SLC7A14: variants seen among roughly 807,000 people sequenced by gnomAD.
SLC7A14 encodes the protein gamma-aminobutyric acid transporter SLC7A14.
SLC7A14 carries 37 observed loss-of-function variants against 60.2 expected under a neutral mutation model. The ratio of observed to expected loss-of-function variants is 0.61; its 90% CI spans 0.47 to 0.81. SLC7A14 has a LOEUF of 0.81. Among genes scored for constraint, SLC7A14 ranks in the 30% least tolerant of loss-of-function variants. The probability of loss-of-function intolerance (pLI) is 0.00; values close to 1 mark genes in which losing one functional copy is unlikely to be tolerated. For missense variants in SLC7A14, 886 were observed against 982.7 expected, an observed-to-expected ratio of 0.90 and a Z score of 1.32; for synonymous variants, 399 against 395.8, an observed-to-expected ratio of 1.01 and a Z score of -0.10.
chr3:170,525,638 T>C (rs913183203), intron 2 of SLC7A14, among the ~76,000 whole-genome samples: 1 of 152,218 alleles, frequency 6.6e-6, no homozygotes, highest in African/African-American at 2.4e-5. Flanking sequence ...ATCCTTCCAC[T>C]GTCCCTCAAG....
At chr3:170,517,830 A>G (rs1713215755) in intron 2 of SLC7A14, among the ~76,000 whole-genome samples, 1 of 152,234 alleles carries the variant, frequency 6.6e-6, no homozygotes, top group South Asian at 2.1e-4. Flanking sequence ...GGATGGCAGG[A>G]AACACAAATT....
intron 1 of SLC7A14, among the ~76,000 whole-genome samples, chr3:170,569,926 G>C (rs141827619): frequency 2.0e-5 from 3 of 151,808 alleles, no homozygotes; most frequent in Non-Finnish European, 4.4e-5. Context: ...TCTTGCTAGC[G>C]GTCTATCAAT....
At chr3:170,533,681 T>TGTGTGTG (rs1560272228) in intron 1 of SLC7A14, among the ~76,000 whole-genome samples, 7 of 126,564 alleles carry the variant, frequency 5.5e-5, no homozygotes, top group African/African-American at 2.1e-4. Context: ...GTGTGTGTGG[T>TGTGTGTG]GTGTGTGTGT....
intron 4 of SLC7A14, among the ~76,000 whole-genome samples, chr3:170,490,822 C>T (rs1022479292): frequency 6.6e-6 from 1 of 152,150 alleles, no homozygotes; most frequent in Admixed American, 6.5e-5. Flanking sequence ...ATAATAATAG[C>T]ACTTAGCTCA....
At chr3:170,524,107 TCA>T (rs771220406) in intron 2 of SLC7A14, among the ~76,000 whole-genome samples, 137 of 152,238 alleles carry the variant, frequency 9.0e-4, no homozygotes, top group Non-Finnish European at 1.5e-3. Context: ...GGTGAAGGCC[TCA>T]ATTACTGGGC....
intron 3 of SLC7A14, among the ~76,000 whole-genome samples, chr3:170,499,353 A>G (rs112434302): frequency 0.028 from 4,201 of 150,156 alleles, 200 homozygotes; most frequent in African/African-American, 0.1. Context: ...AGCAGATACC[A>G]GTATCTATTT....
intron 1 of SLC7A14, among the ~76,000 whole-genome samples, chr3:170,566,098 A>G (rs902474532): frequency 6.6e-6 from 1 of 152,226 alleles, no homozygotes; most frequent in African/African-American, 2.4e-5. Flanking sequence ...AGGCCCAGAG[A>G]AGCAAAGGGA....
At chr3:170,570,158 A>G (rs553421029) in intron 1 of SLC7A14, 3 of 152,282 alleles carry the variant, frequency 2.0e-5, no homozygotes, top group African/African-American at 7.2e-5. Flanking sequence ...AAATCACCTT[A>G]AAAGTCCAAA....
At chr3:170,566,407 G>A (rs1714789200) in intron 1 of SLC7A14, among the ~76,000 whole-genome samples, 2 of 152,198 alleles carry the variant, frequency 1.3e-5, no homozygotes, top group African/African-American at 4.8e-5. Flanking sequence ...TCTCAAACAA[G>A]ATTTCAGTGA....
chr3:170,462,414 G>A lies in SLC7A14; in HGVS notation c.*4641C>T, dbSNP rs1739626704. 1 of 152,184 alleles carries A rather than the reference G, an allele frequency of 6.6e-6. No homozygotes were observed. Among genetic ancestry groups the A allele is most frequent in the South Asian group, 2.1e-4 (1 of 4,830 alleles). The allele number at this position is 152,184 out of a possible 1,614,324, so 9.4% of individuals were successfully genotyped here. A position where few individuals can be genotyped will look rare whatever the true frequency, so the allele number is the denominator to read the frequency against. On this transcript the variant is annotated 3_prime_UTR_variant, in exon 8 of 8. Transcript: ENST00000231706. ...ATAGAGGAGAGAGATTTCTTTGAAG[G>A]AGTTTGTGTTTTGTTTTTCAATAAT...
intron 2 of SLC7A14, among the ~76,000 whole-genome samples, chr3:170,519,342 A>G (rs1713271130): frequency 1.3e-5 from 2 of 152,166 alleles, no homozygotes; most frequent in African/African-American, 4.8e-5. Context: ...TATCAACAGA[A>G]TTCTGTAATT....
intron 1 of SLC7A14, among the ~76,000 whole-genome samples, chr3:170,560,318 A>G (rs1168077722): frequency 2.0e-5 from 3 of 152,228 alleles, no homozygotes; most frequent in African/African-American, 7.2e-5. Context: ...AGAGACCTAG[A>G]GAATAATATT....
At position 170,480,725 on chromosome 3, in the gene SLC7A14, G is replaced by A; in HGVS notation, c.1557C>T (p.Gly519=). The A allele has an allele frequency of 6.2e-7, 1 of 1,614,208 alleles. No individual in the cohort carries two copies. The highest frequency in any genetic ancestry group is 8.5e-7 in the Non-Finnish European group (1 of 1,180,050). The part of the protein sequence containing the change: ...PNYGTVDMTT[G]IEADESENIY... ...TATTTTCGGATTCATCAGCTTCTAT[G>A]CCTGTGGTCATGTCCACGGTGCCGT... The change falls in exon 7 of 8, where the codon GGC becomes GGT. Residue 519 remains glycine, a synonymous_variant. Coordinates refer to ENST00000231706, the MANE Select transcript of SLC7A14 (RefSeq NM_020949.3).
rs1407936183 is a variant in SLC7A14 at position 170,501,333 on chromosome 3, G to A, written c.317C>T (p.Ala106Val). The A allele has an allele frequency of 1.2e-6, 2 of 1,614,160 alleles. No homozygotes were observed. Among genetic ancestry groups the A allele is most frequent in the South Asian group, 1.1e-5 (1 of 91,078 alleles). The change falls in exon 3 of 8, where the codon GCA becomes GTA. Residue 106 changes from alanine (A) to valine (V), a missense_variant. Ala to Val is a moderately conservative substitution (Grantham distance 64). Coordinates refer to ENST00000231706, the MANE Select transcript of SLC7A14 (RefSeq NM_020949.3). ...CTTGGGGACTCGAACTCCAAACTCT[G>A]CATAGCAGACGCCTGCAAGGGACAG... Reference protein sequence around the residue: ...VASILSGVCYAEFGVRVPKTT... With the variant: ...VASILSGVCYVEFGVRVPKTT...
At chr3:170,565,757 C>G (rs928433951) in intron 1 of SLC7A14, among the ~76,000 whole-genome samples, 1 of 151,940 alleles carries the variant, frequency 6.6e-6, no homozygotes, top group Non-Finnish European at 1.5e-5. Flanking sequence ...TGTGGATAAA[C>G]AGATGATCTC....
intron 2 of SLC7A14, among the ~76,000 whole-genome samples, chr3:170,522,863 A>T (rs1713377250): frequency 6.6e-6 from 1 of 152,216 alleles, no homozygotes; most frequent in African/African-American, 2.4e-5. Context: ...TTCCCAAGTG[A>T]TTTAAACCCA....
intron 1 of SLC7A14, among the ~76,000 whole-genome samples, chr3:170,578,238 G>T (rs948590583): frequency 6.6e-6 from 1 of 152,238 alleles, no homozygotes; most frequent in Non-Finnish European, 1.5e-5. Flanking sequence ...CACCTGCACA[G>T]CACCAACATT....
intron 1 of SLC7A14, among the ~76,000 whole-genome samples, chr3:170,575,948 TC>T (rs1339971663): frequency 1.3e-5 from 2 of 152,230 alleles, no homozygotes; most frequent in Admixed American, 6.5e-5. Context: ...CTTCAGTCCT[TC>T]CAGTATGACC....
intron 1 of SLC7A14, among the ~76,000 whole-genome samples, chr3:170,561,801 A>G (rs1382593957): frequency 6.6e-6 from 1 of 152,220 alleles, no homozygotes; most frequent in African/African-American, 2.4e-5. Flanking sequence ...CAAGAAAAAA[A>G]ACAAACTATC....
Sources: gnomAD v4.1 joint callset for allele counts (sites outside exome capture counted in the v4.1 genomes callset) on GRCh38, gnomAD v4.1.1 for gene constraint, MANE v1.5 for transcripts, NCBI Gene and HGNC (gene_info 2026-07-23, HGNC 2026-07-21) for gene names.